The following SERPINB2 variants were observed in gnomAD, a reference collection of about 807,000 sequenced individuals.
The protein encoded by SERPINB2 is serpin family B member 2.
SERPINB2 carries 28 observed loss-of-function variants against 39.4 expected under a neutral mutation model. That is an observed-to-expected ratio of 0.71 (90% CI 0.53 to 0.97). SERPINB2 has a LOEUF of 0.97. Ranked by LOEUF, SERPINB2 falls within the 50% of genes least tolerant of loss-of-function variation. The pLI, the probability that SERPINB2 is intolerant of heterozygous loss-of-function variation, is 0.00. For synonymous variants in SERPINB2, 209 were observed against 175.1 expected (o/e 1.19, Z -1.53); for missense variants, 557 against 505.3 (o/e 1.10, Z -0.98).
chr18:63,898,534 A>C (rs1427947171), intron 5 of SERPINB2, among the ~76,000 whole-genome samples: 1 of 152,228 alleles, frequency 6.6e-6, no homozygotes, highest in Non-Finnish European at 1.5e-5. Context: ...CTTAGTCAAC[A>C]AATATTTATC....
At chr18:63,896,742 A>C (rs527317238) in intron 3 of SERPINB2, among the ~76,000 whole-genome samples, 1 of 152,366 alleles carries the variant, frequency 6.6e-6, no homozygotes, top group Non-Finnish European at 1.5e-5. Flanking sequence ...TATACTGTAC[A>C]TTAGATCCCC....
At chr18:63,898,778 G>A (rs1182838541) in intron 5 of SERPINB2, among the ~76,000 whole-genome samples, 1 of 152,170 alleles carries the variant, frequency 6.6e-6, no homozygotes, top group African/African-American at 2.4e-5. Flanking sequence ...AGCTGGCCAG[G>A]TGGAGGGTGC....
In SERPINB2 at chr18:63,902,937, T is replaced by C; in HGVS notation, c.880T>C (p.Trp294Arg). ...AATAACCTATGACAAACTCAACAAG[T>C]GGACCAGCAAAGACAAAATGGCTGA... The part of the protein sequence containing the change: ...SEITYDKLNK[W>R]TSKDKMAEDE... The change falls in exon 8 of 8, where the codon TGG (tryptophan) becomes CGG (arginine). Residue 294 changes from tryptophan (W) to arginine (R), a missense_variant. By Grantham distance (101) the Trp-to-Arg change is moderately radical (BLOSUM62 -3). Coordinates refer to ENST00000299502, the MANE Select transcript of SERPINB2 (RefSeq NM_002575.3). 1 of 1,612,014 alleles carries C rather than the reference T, an allele frequency of 6.2e-7. No homozygotes were observed. The highest frequency in any genetic ancestry group is 2.2e-5 in the East Asian group (1 of 44,814).
At chr18:63,897,337 C>T in intron 4 of SERPINB2, 118 bp downstream of exon 4, 2 of 1,241,532 alleles carry the variant, frequency 1.6e-6, no homozygotes, top group Non-Finnish European at 2.2e-6. Context: ...CACACCAGCT[C>T]CCTAGGGCTG....
At chr18:63,902,106 G>A (rs1046980405) in intron 6 of SERPINB2, among the ~76,000 whole-genome samples, 3 of 152,036 alleles carry the variant, frequency 2.0e-5, no homozygotes, top group African/African-American at 7.2e-5. Context: ...TATTTCAAAG[G>A]GCTGTAAATA....
intron 3 of SERPINB2, among the ~76,000 whole-genome samples, chr18:63,895,926 ATCTT>A (rs148520719): frequency 0.055 from 8,324 of 152,010 alleles, 790 homozygotes; most frequent in African/African-American, 0.19. Context: ...TTTATCATCT[ATCTT>A]CTCTGTCATC....
At chr18:63,898,840 G>A (rs1170727564) in intron 5 of SERPINB2, among the ~76,000 whole-genome samples, 1 of 152,186 alleles carries the variant, frequency 6.6e-6, no homozygotes, top group African/African-American at 2.4e-5. Flanking sequence ...CAAAGGTCCA[G>A]AGGTAACCCT....
At chr18:63,893,089 T>C (rs2144697218) in intron 2 of SERPINB2, among the ~76,000 whole-genome samples, 1 of 152,170 alleles carries the variant, frequency 6.6e-6, no homozygotes, top group East Asian at 1.9e-4. Context: ...CCTGCCACGA[T>C]GCCCATCTAA....
At chr18:63,901,596 T>C in intron 5 of SERPINB2, 144 bp from the exon 6 acceptor site, 1 of 535,756 alleles carries the variant, frequency 1.9e-6, no homozygotes, top group Admixed American at 4.2e-5. Context: ...TTAATTTTGC[T>C]TTAAATAAAC....
Position 63,903,497 on chromosome 18 carries a change from A to C in SERPINB2, c.*192A>C. On this transcript the variant is annotated 3_prime_UTR_variant, in exon 8 of 8. Transcript: ENST00000299502. Reference sequence around the variant, plus strand: ...CTATTATAACATGACAACCCTATTAATCATTTGGTCTTCTAAAATGGGATC... The same window carrying C: ...CTATTATAACATGACAACCCTATTACTCATTTGGTCTTCTAAAATGGGATC... 2.3e-6 allele frequency: 1 copy of C among 425,800 alleles called. No homozygotes were observed. The highest frequency in any genetic ancestry group is 3.9e-6 in the Non-Finnish European group (1 of 257,854). The allele number at this position is 425,800 out of a possible 1,614,324, so 26.4% of individuals were successfully genotyped here. A position where few individuals can be genotyped will look rare whatever the true frequency, so the allele number is the denominator to read the frequency against.
chr18:63,902,664 A>G (rs964413234), intron 7 of SERPINB2, 96 bp downstream of exon 7: 1 of 1,259,346 alleles, frequency 7.9e-7, no homozygotes, highest in East Asian at 2.3e-5. Flanking sequence ...GTAATTTCTC[A>G]TGGAAATATA....
At chr18:63,891,125 A>G (rs2049923075) in intron 1 of SERPINB2, among the ~76,000 whole-genome samples, 1 of 152,136 alleles carries the variant, frequency 6.6e-6, no homozygotes, top group African/African-American at 2.4e-5. Flanking sequence ...AAAACACTTC[A>G]TGTATCTCAG....
rs932008928 is a variant in SERPINB2, at chr18:63,899,299, G to C, written c.535+1455G>C. ...ACAATTATGGAACTGATTTTTGTTA[G>C]TTTGTTTTGCTTTTCCTCTCAGGCT... On this transcript the variant is annotated intron_variant, in intron 5 of 7. Coordinates refer to ENST00000299502, the MANE Select transcript of SERPINB2 (RefSeq NM_002575.3). Among the ~76,000 whole-genome samples the C allele has an allele frequency of 2.6e-5, 4 of 152,086 alleles. No homozygotes were observed. The South Asian group carries it at 8.3e-4, about 31-fold the overall frequency.
intron 3 of SERPINB2, among the ~76,000 whole-genome samples, chr18:63,896,870 CAG>C (rs753403553): frequency 3.9e-5 from 6 of 152,096 alleles, no homozygotes; most frequent in Non-Finnish European, 8.8e-5. Context: ...AATCCATAGA[CAG>C]AGCAAAATTG....
In SERPINB2 at chr18:63,903,308, C is replaced by G. The variant is rs746733753; in HGVS notation, c.*3C>G. 2 of 1,493,698 alleles carry G rather than the reference C, an allele frequency of 1.3e-6. No individual in the cohort carries two copies. The highest frequency in any genetic ancestry group is 1.4e-5 in the South Asian group (1 of 70,280). The allele number at this position is 1,493,698 out of a possible 1,614,324, so 92.5% of individuals were successfully genotyped here. A position where few individuals can be genotyped will look rare whatever the true frequency, so the allele number is the denominator to read the frequency against. ...TCGGCAGATTTTCCTCACCCTAAAA[C>G]TAAGCGTGCTGCTTCTGCAAAAGAT... On this transcript the variant is annotated 3_prime_UTR_variant, in exon 8 of 8. Coordinates refer to ENST00000299502, the MANE Select transcript of SERPINB2 (RefSeq NM_002575.3).
chr18:63,898,689 GGT>G (rs1228463704), intron 5 of SERPINB2, among the ~76,000 whole-genome samples: 3 of 152,286 alleles, frequency 2.0e-5, no homozygotes, highest in Non-Finnish European at 2.9e-5. Flanking sequence ...GAGAAGTACA[GGT>G]GCTATGTGGG....
chr18:63,897,338 C>A, intron 4 of SERPINB2, 119 bp downstream of exon 4: 1 of 1,218,498 alleles, frequency 8.2e-7, no homozygotes, highest in Non-Finnish European at 1.1e-6. Context: ...ACACCAGCTC[C>A]CTAGGGCTGG....
chr18:63,902,686 A>G lies in SERPINB2; in HGVS notation c.843+118A>G, dbSNP rs1599065355. 4 of 1,121,628 alleles carry G rather than the reference A, an allele frequency of 3.6e-6. No homozygotes were observed. In the East Asian group the frequency reaches 9.7e-5, roughly 27 times the overall value. 69.5% of individuals were successfully genotyped at this position (1,121,628 alleles called of 1,614,324 possible). Reference sequence around the variant, plus strand: ...CTCATGGAAATATATGAAACAGTTGATAGTAAATATGGCATGCCTCTACAT... The same window carrying G: ...CTCATGGAAATATATGAAACAGTTGGTAGTAAATATGGCATGCCTCTACAT... On this transcript the variant is annotated intron_variant, in intron 7 of 7. Transcript: ENST00000299502.
intron 4 of SERPINB2, 150 bp from the exon 5 acceptor site, chr18:63,897,577 C>T: frequency 4.2e-6 from 3 of 714,644 alleles, no homozygotes; most frequent in African/African-American, 1.8e-5. Context: ...TGCACTCTTT[C>T]CCCCTTCAGC....
Sources: gnomAD v4.1 joint callset for allele counts (sites outside exome capture counted in the v4.1 genomes callset) on GRCh38, gnomAD v4.1.1 for gene constraint, MANE v1.5 for transcripts, NCBI Gene and HGNC (gene_info 2026-07-23, HGNC 2026-07-21) for gene names.